MMS19: variants seen among roughly 807,000 people sequenced by gnomAD.
MMS19 encodes the protein MMS19 nucleotide excision repair protein homolog.
In MMS19, 77 loss-of-function variants were observed where a neutral mutation model predicts 129.8. That is an observed-to-expected ratio of 0.59 (90% CI 0.49 to 0.72). MMS19 has a LOEUF of 0.72. Among genes scored for constraint, MMS19 ranks in the 30% least tolerant of loss-of-function variants. MMS19 has a pLI of 0.00. For synonymous variants in MMS19, 491 were observed against 502.8 expected, an observed-to-expected ratio of 0.98 and a Z score of 0.31; for missense variants, 1,168 against 1,266.3, an observed-to-expected ratio of 0.92 and a Z score of 1.18.
At chr10:97,469,913 G>A (rs148967670) in intron 10 of MMS19, among the ~76,000 whole-genome samples, 190 bp from the exon 11 acceptor site, 1 of 152,182 alleles carries the variant, frequency 6.6e-6, no homozygotes, top group African/African-American at 2.4e-5. Flanking sequence ...AGCCTAAAGA[G>A]GGAGTCCTGG....
chr10:97,474,009 T>C (rs895654885), intron 8 of MMS19, among the ~76,000 whole-genome samples: 1 of 151,234 alleles, frequency 6.6e-6, no homozygotes, highest in Middle Eastern at 3.4e-3. Context: ...TCGGGAGTAG[T>C]GTCATGTGCC....
chr10:97,485,333 A>G (rs2037628791), intron 1 of MMS19, among the ~76,000 whole-genome samples: 1 of 144,206 alleles, frequency 6.9e-6, no homozygotes, highest in Non-Finnish European at 1.5e-5. Flanking sequence ...TTTTTTTGAG[A>G]TGGAGTCTTG....
intron 18 of MMS19, 146 bp from the exon 19 acceptor site, chr10:97,464,159 G>A: frequency 1.4e-6 from 1 of 707,090 alleles, no homozygotes; most frequent in South Asian, 1.8e-5. Flanking sequence ...TTATTCTCCT[G>A]GCTGTTCTTT....
intron 18 of MMS19, among the ~76,000 whole-genome samples, 170 bp from the exon 19 acceptor site, chr10:97,464,183 A>G (rs1292343170): frequency 1.3e-5 from 2 of 152,178 alleles, no homozygotes; most frequent in Non-Finnish European, 2.9e-5. Context: ...ATCTATTCAG[A>G]CTTCATAGTT....
chr10:97,472,531 C>T (rs28987119), intron 8 of MMS19, among the ~76,000 whole-genome samples: 2,153 of 152,292 alleles, frequency 0.014, 21 homozygotes, highest in Middle Eastern at 0.027. Flanking sequence ...TGAGCCACCA[C>T]GCCCAGCCAA....
rs762898206 is a variant in MMS19 at position 97,465,880 on chromosome 10, C to A, written c.1681G>T (p.Ala561Ser). 1 of 1,613,976 alleles carries A rather than the reference C, an allele frequency of 6.2e-7. No homozygotes were observed. Among genetic ancestry groups the A allele is most frequent in the Admixed American group, 1.7e-5 (1 of 60,022 alleles). Residue 561 changes from alanine (A) to serine (S), a missense_variant, in exon 18 of 31, where the codon GCT (alanine) becomes TCT (serine). Ala to Ser is a moderately conservative substitution (Grantham distance 99, BLOSUM62 1). Transcript: ENST00000438925. Reference protein sequence around the residue: ...RHLCCLQALSAVSTHPSIVKE... With the variant: ...RHLCCLQALSSVSTHPSIVKE... ...ACGATGCTGGGATGTGTTGATACAG[C>A]TGACAAGGCTTGCAGACAGCACAGA...
At chr10:97,484,300 A>T in intron 1 of MMS19, 149 bp from the exon 2 acceptor site, 1 of 508,132 alleles carries the variant, frequency 2.0e-6, no homozygotes, top group Non-Finnish European at 3.5e-6. Context: ...GATGAGAAGC[A>T]GCATTGCTGT....
chr10:97,471,878 C>T (rs1385096265), intron 8 of MMS19, among the ~76,000 whole-genome samples: 1 of 151,764 alleles, frequency 6.6e-6, no homozygotes. Flanking sequence ...TATAAAGTAA[C>T]AAAAAGACAG....
chr10:97,477,161 CTG>C lies in MMS19; in HGVS notation c.493+184_493+185del, dbSNP rs934833571. On this transcript the variant is annotated intron_variant, in intron 6 of 30. Coordinates refer to ENST00000438925, the MANE Select transcript of MMS19 (RefSeq NM_022362.5). ...GCTGTGGAGGCAAGAATTTAAAACA[CTG>C]GCTCAAACAAACTCTACCCTTTCTT... 1.7e-5 allele frequency: 25 copies of C among 1,473,932 alleles called. No homozygotes were observed. In the African/African-American group the frequency reaches 3.5e-4, roughly 21 times the overall value. The allele number at this position is 1,473,932 out of a possible 1,614,324, so 91.3% of individuals were successfully genotyped here.
chr10:97,463,781 T>C (rs1374733406), intron 19 of MMS19, 77 bp downstream of exon 19: 4 of 1,266,894 alleles, frequency 3.2e-6, no homozygotes, highest in Non-Finnish European at 4.5e-6. Context: ...GTACCACCAA[T>C]ACCCAGAGGG....
chr10:97,467,171 G>A (rs555777318), intron 14 of MMS19, among the ~76,000 whole-genome samples: 1 of 152,216 alleles, frequency 6.6e-6, no homozygotes, highest in South Asian at 2.1e-4. Flanking sequence ...TAGAGACAGG[G>A]TTTCACCATA....
At position 97,459,649 on chromosome 10, in the gene MMS19, T is replaced by C; in HGVS notation, c.2739+10A>G. 6.5e-7 allele frequency: 1 copy of C among 1,534,304 alleles called. No individual in the cohort carries two copies. The highest frequency in any genetic ancestry group is 8.7e-7 in the Non-Finnish European group (1 of 1,143,346). On this transcript the variant is annotated intron_variant, in intron 27 of 30. Coordinates refer to ENST00000438925, the MANE Select transcript of MMS19 (RefSeq NM_022362.5). ...GTCCTTTGCTTAGAAGCTCTGCCTGTGGGACTTACCGTGGGCAGCTCTGGC... is the reference window on the plus strand; with the variant it reads ...GTCCTTTGCTTAGAAGCTCTGCCTGCGGGACTTACCGTGGGCAGCTCTGGC...
At position 97,462,099 on chromosome 10, in the gene MMS19, G is replaced by C. The variant is rs2032141698; in HGVS notation, c.2033C>G (p.Thr678Arg). The C allele has an allele frequency of 1.3e-6, 2 of 1,581,600 alleles. No individual in the cohort carries two copies. Among genetic ancestry groups the C allele is most frequent in the Non-Finnish European group, 1.7e-6 (2 of 1,163,318 alleles). ...ATCCAAGAAGAGGGGCACAATGTGT[G>C]TCACACTCTGGGCAGCTAACCTGGG... ...LSPELAAQSVTHIVPLFLDGN... is the reference protein window; with the variant it reads ...LSPELAAQSVRHIVPLFLDGN... The change falls in exon 21 of 31, where the codon ACA becomes AGA. Residue 678 changes from threonine (T) to arginine (R), a missense_variant. Thr to Arg is a moderately conservative substitution (Grantham distance 71). Coordinates refer to ENST00000438925, the MANE Select transcript of MMS19 (RefSeq NM_022362.5).
intron 3 of MMS19, 90 bp downstream of exon 3, chr10:97,480,852 T>C (rs1589721885): frequency 1.2e-6 from 1 of 830,734 alleles, no homozygotes; most frequent in East Asian, 2.7e-5. Flanking sequence ...CTTTAAGCCC[T>C]CCCTCCCTGC....
At chr10:97,485,125 T>TTTTA (rs913196443) in intron 1 of MMS19, among the ~76,000 whole-genome samples, 4 of 151,902 alleles carry the variant, frequency 2.6e-5, no homozygotes, top group African/African-American at 9.7e-5. Flanking sequence ...GAAAACTTTA[T>TTTTA]TTTATTTATT....
Position 97,464,029 on chromosome 10 carries a change from T to A in MMS19, c.1757-16A>T, listed in dbSNP as rs199987159. 1 of 1,608,254 alleles carries A rather than the reference T, an allele frequency of 6.2e-7. No individual in the cohort carries two copies. The highest frequency in any genetic ancestry group is 1.3e-5 in the African/African-American group (1 of 74,896). ...ACCATATTCCCTGTTGATGAGAAAGTGTTCTCTGTAAGGTTTGCTTAAAAG... is the reference window on the plus strand; with the variant it reads ...ACCATATTCCCTGTTGATGAGAAAGAGTTCTCTGTAAGGTTTGCTTAAAAG... On this transcript the variant is annotated splice_polypyrimidine_tract_variant and intron_variant, in intron 18 of 30. Transcript: ENST00000438925.
intron 8 of MMS19, among the ~76,000 whole-genome samples, chr10:97,472,964 T>A (rs1290623491): frequency 6.6e-6 from 1 of 152,052 alleles, no homozygotes; most frequent in Non-Finnish European, 1.5e-5. Flanking sequence ...CTCAAGTGAT[T>A]GTTCTGCCTC....
chr10:97,473,634 C>T (rs947576947), intron 8 of MMS19, among the ~76,000 whole-genome samples: 1 of 151,458 alleles, frequency 6.6e-6, no homozygotes, highest in Non-Finnish European at 1.5e-5. Flanking sequence ...CATTGTTTGG[C>T]TAAGAATGGT....
chr10:97,468,954 C>A lies in MMS19; in HGVS notation c.1063+12G>T, dbSNP rs767209035. 3 of 1,581,002 alleles carry A rather than the reference C, an allele frequency of 1.9e-6. No homozygotes were observed. Among genetic ancestry groups the A allele is most frequent in the Non-Finnish European group, 2.6e-6 (3 of 1,163,522 alleles). The stretch of plus-strand genomic sequence containing the variant: ...TGCTCACTCCCCTTCCTGGCTGCCA[C>A]GGCCCCATTACCCTGTAGAATGTTG... On this transcript the variant is annotated intron_variant, in intron 12 of 30. Transcript: ENST00000438925.
Sources: allele counts gnomAD v4.1 joint callset (sites outside exome capture counted in the v4.1 genomes callset), GRCh38; gene constraint gnomAD v4.1.1; transcripts MANE v1.5; gene names NCBI Gene and HGNC (gene_info 2026-07-23, HGNC 2026-07-21).